Variants in ECPAS observed in about 807,000 individuals in gnomAD.
The protein encoded by ECPAS is Ecm29 proteasome adaptor and scaffold.
ECPAS carries 70 observed loss-of-function variants against 255.1 expected under a neutral mutation model. The ratio of observed to expected loss-of-function variants is 0.27; its 90% CI spans 0.23 to 0.33. The LOEUF (loss-of-function observed/expected upper bound fraction) is 0.33. Ranked by LOEUF, ECPAS falls within the 10% of genes least tolerant of loss-of-function variation. The pLI is 1.00. For synonymous variants in ECPAS, 784 were observed against 775.0 expected, an observed-to-expected ratio of 1.01 and a Z score of -0.19; for missense variants, 1,817 against 2,206.4, an observed-to-expected ratio of 0.82 and a Z score of 3.54.
At chr9:111,438,786 G>A (rs1003769926) in intron 6 of ECPAS, among the ~76,000 whole-genome samples, 2 of 152,216 alleles carry the variant, frequency 1.3e-5, no homozygotes, top group African/African-American at 2.4e-5. Context: ...TGAACATGGA[G>A]TGACTGAAGG....
At chr9:111,481,602 T>C (rs2098305345) in intron 1 of ECPAS, among the ~76,000 whole-genome samples, 1 of 152,192 alleles carries the variant, frequency 6.6e-6, no homozygotes, top group Non-Finnish European at 1.5e-5. Flanking sequence ...TCTGGGTATG[T>C]ACCCAAAAGA....
intron 2 of ECPAS, among the ~76,000 whole-genome samples, chr9:111,458,474 C>T (rs1177703950): frequency 6.6e-6 from 1 of 152,166 alleles, no homozygotes; most frequent in Non-Finnish European, 1.5e-5. Context: ...ACCCTCTAAT[C>T]ACATTTGATA....
chr9:111,480,287 C>CTTTT lies in ECPAS; in HGVS notation c.-83+3825_-83+3828dup, dbSNP rs1282400347. 5.1e-4 allele frequency among the ~76,000 whole-genome samples: 58 copies of CTTTT among 113,662 alleles called. 2 individuals carry two copies. Among genetic ancestry groups the CTTTT allele is most frequent in the African/African-American group, 1.9e-3 (56 of 29,412 alleles). 74.6% of individuals were successfully genotyped at this position (113,662 alleles called of 152,430 possible). On this transcript the variant is annotated intron_variant, in intron 1 of 49. Coordinates refer to ENST00000684092, the MANE Select transcript of ECPAS (RefSeq NM_001364929.1). ...TTTTTAGTGGAATTCTTAAAAGCAC[C>CTTTT]TTTTCTTTTTTTTTTTTTTTTTTTT...
chr9:111,363,693 G>T (rs1324428824), intron 48 of ECPAS, 34 bp from the exon 49 acceptor site: 14 of 1,035,356 alleles, frequency 1.4e-5, no homozygotes, highest in Non-Finnish European at 2.0e-5. Flanking sequence ...CATATGGCCT[G>T]CCTGAAAAAC....
intron 17 of ECPAS, among the ~76,000 whole-genome samples, chr9:111,417,019 G>A (rs924441846): frequency 2.6e-5 from 4 of 152,058 alleles, no homozygotes; most frequent in Admixed American, 2.0e-4. Context: ...CCTAAAGCGT[G>A]CCCTTAAAAA....
intron 19 of ECPAS, 26 bp downstream of exon 19, chr9:111,414,403 C>G (rs776192677): frequency 5.4e-5 from 86 of 1,593,440 alleles, no homozygotes; most frequent in Non-Finnish European, 7.2e-5. Context: ...GCTTCAGTAT[C>G]TTTCCTTCGC....
chr9:111,366,028 C>T (rs2084589097), intron 48 of ECPAS: 1 of 521,968 alleles, frequency 1.9e-6, no homozygotes, highest in Non-Finnish European at 3.4e-6. Flanking sequence ...ATACTTGTCA[C>T]GAAGGTTTTT....
intron 24 of ECPAS, among the ~76,000 whole-genome samples, chr9:111,401,344 T>C (rs2098175762): frequency 1.3e-5 from 2 of 152,166 alleles, no homozygotes; most frequent in African/African-American, 4.8e-5. Context: ...GATGGCGACC[T>C]TGAGCCGCAA....
chr9:111,372,323 G>A (rs535918462), intron 42 of ECPAS, 106 bp downstream of exon 42: 1 of 1,052,850 alleles, frequency 9.5e-7, no homozygotes, highest in African/African-American at 1.6e-5. Flanking sequence ...TGCATATTAA[G>A]GTCCTGGGAA....
chr9:111,468,700 G>C (rs2098282557), intron 2 of ECPAS, among the ~76,000 whole-genome samples: 1 of 152,108 alleles, frequency 6.6e-6, no homozygotes, highest in African/African-American at 2.4e-5. Context: ...GTGTGTGTGT[G>C]TGTGTTTCAC....
At chr9:111,374,786 T>G (rs759870338) in intron 38 of ECPAS, among the ~76,000 whole-genome samples, 1 of 152,184 alleles carries the variant, frequency 6.6e-6, no homozygotes, top group Non-Finnish European at 1.5e-5. Flanking sequence ...AAAAATGCAA[T>G]TGCCACCTAA....
chr9:111,440,570 T>C, intron 5 of ECPAS, 49 bp from the exon 6 acceptor site: 2 of 1,420,468 alleles, frequency 1.4e-6, no homozygotes, highest in Non-Finnish European at 1.9e-6. Context: ...ATGAGATTTT[T>C]ATACATGCAA....
chr9:111,425,603 T>C (rs1347503083), intron 11 of ECPAS, 107 bp from the exon 12 acceptor site: 1 of 1,044,422 alleles, frequency 9.6e-7, no homozygotes, highest in East Asian at 2.7e-5. Context: ...ATAAGTTAAA[T>C]AATCTATTAA....
At chr9:111,389,779 T>G (rs910257274) in intron 30 of ECPAS, 56 bp from the exon 31 acceptor site, 8 of 1,512,744 alleles carry the variant, frequency 5.3e-6, no homozygotes, top group African/African-American at 4.2e-5. Context: ...AATATTAACA[T>G]AGCAAAAAAT....
chr9:111,464,795 AG>A (rs1337332918), intron 2 of ECPAS, among the ~76,000 whole-genome samples: 4 of 152,118 alleles, frequency 2.6e-5, no homozygotes, highest in African/African-American at 7.2e-5. Flanking sequence ...GGAGGGGAGG[AG>A]GAAAGAGAGG....
At chr9:111,422,346 A>T in intron 13 of ECPAS, 146 bp from the exon 14 acceptor site, 1 of 710,642 alleles carries the variant, frequency 1.4e-6, no homozygotes, top group Non-Finnish European at 2.4e-6. Context: ...AAATTTTTCC[A>T]AGTATTTAAT....
intron 21 of ECPAS, chr9:111,411,621 CAGT>C (rs796582295): frequency 1.3e-4 from 24 of 178,698 alleles, no homozygotes; most frequent in African/African-American, 4.9e-4. Flanking sequence ...TCACTGGCAG[CAGT>C]AGATGAGGAA....
At chr9:111,379,536 A>G (rs2098137941) in intron 35 of ECPAS, among the ~76,000 whole-genome samples, 1 of 152,202 alleles carries the variant, frequency 6.6e-6, no homozygotes, top group African/African-American at 2.4e-5. Flanking sequence ...TGGCTGTCGT[A>G]ATTTCTTAAA....
chr9:111,478,516 G>A (rs954362648), intron 1 of ECPAS, among the ~76,000 whole-genome samples: 3 of 152,054 alleles, frequency 2.0e-5, no homozygotes, highest in Non-Finnish European at 2.9e-5. Flanking sequence ...AACAGTGCGA[G>A]ACTCCATCTC....
Sources: gnomAD v4.1 joint callset for allele counts (sites outside exome capture counted in the v4.1 genomes callset) on GRCh38, gnomAD v4.1.1 for gene constraint, MANE v1.5 for transcripts, NCBI Gene and HGNC (gene_info 2026-07-23, HGNC 2026-07-21) for gene names.